CLSTN2: variants seen among roughly 807,000 people sequenced by gnomAD.
The protein encoded by CLSTN2 is calsyntenin 2.
A neutral mutation model predicts 101.2 loss-of-function variants in CLSTN2; 48 were observed. That is an observed-to-expected ratio of 0.47 (90% CI 0.38 to 0.60). The LOEUF is 0.60. Ranked by LOEUF, CLSTN2 falls within the 20% of genes least tolerant of loss-of-function variation. CLSTN2 has a pLI of 0.00. For missense variants in CLSTN2, 1,160 were observed against 1,238.2 expected, an observed-to-expected ratio of 0.94 and a Z score of 0.95; for synonymous variants, 481 against 463.6, an observed-to-expected ratio of 1.04 and a Z score of -0.48.
intron 2 of CLSTN2, among the ~76,000 whole-genome samples, chr3:140,350,284 A>C (rs977171650): frequency 2.6e-5 from 4 of 152,242 alleles, no homozygotes; most frequent in African/African-American, 9.6e-5. Context: ...AAATAATAAT[A>C]GCTAGAGGAG....
chr3:140,011,301 G>T (rs1281308489), intron 1 of CLSTN2, among the ~76,000 whole-genome samples: 2 of 152,170 alleles, frequency 1.3e-5, no homozygotes, highest in African/African-American at 4.8e-5. Flanking sequence ...CTGGAGTTTT[G>T]GTGGATGTCT....
intron 1 of CLSTN2, among the ~76,000 whole-genome samples, chr3:140,028,085 G>A (rs932013772): frequency 2.0e-5 from 3 of 152,224 alleles, no homozygotes; most frequent in African/African-American, 7.2e-5. Flanking sequence ...AAAGGTAGTT[G>A]CTGTTGTTCA....
intron 2 of CLSTN2, among the ~76,000 whole-genome samples, chr3:140,220,961 C>T (rs542939882): frequency 3.3e-4 from 51 of 152,334 alleles, no homozygotes; most frequent in African/African-American, 1.2e-3. Flanking sequence ...AACTGGAGCC[C>T]TGACTTCCAT....
chr3:140,370,828 A>C (rs2087847266), intron 2 of CLSTN2, among the ~76,000 whole-genome samples: 1 of 152,074 alleles, frequency 6.6e-6, no homozygotes, highest in Non-Finnish European at 1.5e-5. Flanking sequence ...GCATAAGTAC[A>C]CTTTATTTCT....
At chr3:140,228,400 A>G (rs2086341612) in intron 2 of CLSTN2, among the ~76,000 whole-genome samples, 1 of 152,130 alleles carries the variant, frequency 6.6e-6, no homozygotes, top group African/African-American at 2.4e-5. Flanking sequence ...TGGACTTTAT[A>G]TTCCATATCA....
intron 2 of CLSTN2, among the ~76,000 whole-genome samples, chr3:140,332,042 A>C (rs545297465): frequency 6.6e-6 from 1 of 152,336 alleles, no homozygotes; most frequent in East Asian, 1.9e-4. Flanking sequence ...TGGAAAAATA[A>C]AACAAGCAGA....
chr3:140,531,280 C>T (rs1053748145), intron 8 of CLSTN2, among the ~76,000 whole-genome samples: 2 of 152,088 alleles, frequency 1.3e-5, no homozygotes, highest in Non-Finnish European at 2.9e-5. Flanking sequence ...TCAAAAGGAG[C>T]AGTTTTCTGA....
intron 1 of CLSTN2, among the ~76,000 whole-genome samples, chr3:140,133,609 T>A (rs1236273632): frequency 1.3e-5 from 2 of 152,168 alleles, no homozygotes; most frequent in Non-Finnish European, 2.9e-5. Flanking sequence ...AACTCCTGAA[T>A]AATTGCAGAG....
In CLSTN2 at chr3:140,205,627, C is replaced by CCCCA. The variant is rs1156442987; in HGVS notation, c.232+29555_232+29556insCCAC. Among the ~76,000 whole-genome samples the CCCCA allele has an allele frequency of 9.9e-5, 11 of 111,600 alleles. 1 individual carries two copies. Among genetic ancestry groups the CCCCA allele is most frequent in the Non-Finnish European group, 2.1e-4 (11 of 52,380 alleles). The allele number at this position is 111,600 out of a possible 152,430, so 73.2% of individuals were successfully genotyped here. On this transcript the variant is annotated intron_variant, in intron 2 of 16. Transcript: ENST00000458420. ...TGTTTGGACCTGACCCGCCCCCCAC[C>CCCCA]CACACACACACACAGCCACCTGCTA...
intron 2 of CLSTN2, among the ~76,000 whole-genome samples, chr3:140,353,310 G>A (rs1480069446): frequency 6.7e-6 from 1 of 150,274 alleles, no homozygotes; most frequent in Non-Finnish European, 1.5e-5. Context: ...CCACAGTAAA[G>A]CCATCTGCAG....
chr3:140,469,120 G>C (rs559939103), intron 8 of CLSTN2, among the ~76,000 whole-genome samples: 2 of 152,304 alleles, frequency 1.3e-5, no homozygotes, highest in African/African-American at 2.4e-5. Context: ...TATCGAAATA[G>C]TGGTCCACCC....
chr3:140,178,940 T>A (rs2010365388), intron 2 of CLSTN2, among the ~76,000 whole-genome samples: 1 of 152,138 alleles, frequency 6.6e-6, no homozygotes, highest in Non-Finnish European at 1.5e-5. Context: ...TGGAAAACAA[T>A]TTCATCCATA....
intron 1 of CLSTN2, among the ~76,000 whole-genome samples, chr3:139,977,955 A>G (rs1935848502): frequency 6.6e-6 from 1 of 152,166 alleles, no homozygotes; most frequent in Non-Finnish European, 1.5e-5. Context: ...GCATGATGAC[A>G]TGAGACAGAA....
intron 1 of CLSTN2, among the ~76,000 whole-genome samples, chr3:140,042,298 T>C (rs1157708771): frequency 6.6e-6 from 1 of 152,218 alleles, no homozygotes; most frequent in Non-Finnish European, 1.5e-5. Context: ...TTATCCATAT[T>C]GAGTATTGCG....
At chr3:140,268,262 G>C (rs532261469) in intron 2 of CLSTN2, among the ~76,000 whole-genome samples, 1 of 152,140 alleles carries the variant, frequency 6.6e-6, no homozygotes, top group Admixed American at 6.5e-5. Flanking sequence ...CCAGGAGTAC[G>C]TAGAGAAAGG....
chr3:140,407,182 C>T (rs2088313231), intron 4 of CLSTN2, among the ~76,000 whole-genome samples: 1 of 152,168 alleles, frequency 6.6e-6, no homozygotes, highest in Non-Finnish European at 1.5e-5. Context: ...CCTTATCCAT[C>T]AGTTTCTCTG....
intron 8 of CLSTN2, among the ~76,000 whole-genome samples, chr3:140,471,354 T>C (rs374093123): frequency 3.8e-4 from 58 of 152,188 alleles, no homozygotes; most frequent in African/African-American, 1.3e-3. Context: ...GCTGATGTTT[T>C]ACAGTATGTT....
chr3:140,362,664 G>A (rs1178220741), intron 2 of CLSTN2, among the ~76,000 whole-genome samples: 1 of 152,062 alleles, frequency 6.6e-6, no homozygotes, highest in Non-Finnish European at 1.5e-5. Flanking sequence ...TGTTTGAATA[G>A]GCATTTCATT....
At chr3:140,286,967 G>A (rs76045561) in intron 2 of CLSTN2, among the ~76,000 whole-genome samples, 1 of 152,280 alleles carries the variant, frequency 6.6e-6, no homozygotes, top group Non-Finnish European at 1.5e-5. Flanking sequence ...GGCTGGTCAG[G>A]AGAGGGGAAA....
Sources: gnomAD v4.1 joint callset for allele counts (sites outside exome capture counted in the v4.1 genomes callset) on GRCh38, gnomAD v4.1.1 for gene constraint, MANE v1.5 for transcripts, NCBI Gene and HGNC (gene_info 2026-07-23, HGNC 2026-07-21) for gene names.